The following MYO3B variants were observed in gnomAD, a reference collection of about 807,000 sequenced individuals.
The protein encoded by MYO3B is myosin-IIIb.
A neutral mutation model predicts 174.6 loss-of-function variants in MYO3B; 156 were observed. The observed-to-expected ratio is 0.89, with a 90% CI of 0.78 to 1.02. The LOEUF is 1.02. MYO3B is among the 50% of genes least tolerant of loss of function. The pLI, the probability that MYO3B is intolerant of heterozygous loss-of-function variation, is 0.00. For synonymous variants in MYO3B, 563 were observed against 569.1 expected, an observed-to-expected ratio of 0.99 and a Z score of 0.15; for missense variants, 1,632 against 1,639.4, an observed-to-expected ratio of 1.00 and a Z score of 0.08.
chr2:170,415,322 C>A (rs1338617500), intron 22 of MYO3B, among the ~76,000 whole-genome samples: 1 of 152,182 alleles, frequency 6.6e-6, no homozygotes, highest in South Asian at 2.1e-4. Context: ...TCTAAACCTA[C>A]CTTTTCTGGC....
intron 11 of MYO3B, 76 bp from the exon 12 acceptor site, chr2:170,383,634 C>T: frequency 9.0e-7 from 1 of 1,115,422 alleles, no homozygotes; most frequent in Non-Finnish European, 1.4e-6. Flanking sequence ...GTGACAGATT[C>T]TTGGTTTCAT....
intron 25 of MYO3B, among the ~76,000 whole-genome samples, chr2:170,488,047 C>G (rs1686181963): frequency 6.6e-6 from 1 of 152,144 alleles, no homozygotes; most frequent in African/African-American, 2.4e-5. Context: ...CAAATTAAAA[C>G]CACAATTCAA....
intron 32 of MYO3B, 85 bp downstream of exon 32, chr2:170,544,073 A>T (rs1310653543): frequency 2.8e-6 from 3 of 1,066,886 alleles, no homozygotes; most frequent in Non-Finnish European, 4.2e-6. Flanking sequence ...GCAGGACTCA[A>T]TTAGATAGTA....
intron 6 of MYO3B, among the ~76,000 whole-genome samples, chr2:170,232,277 T>C (rs1470578250): frequency 1.3e-5 from 2 of 152,188 alleles, no homozygotes; most frequent in Non-Finnish European, 2.9e-5. Context: ...CTTAAAGAAA[T>C]AGCTTCAGAC....
intron 21 of MYO3B, among the ~76,000 whole-genome samples, chr2:170,407,507 CA>C: frequency 6.6e-6 from 1 of 150,928 alleles, no homozygotes; most frequent in East Asian, 2.1e-4. Flanking sequence ...CCATAAAAAA[CA>C]AAAACCAAAG....
At chr2:170,417,465 C>A (rs1377101947) in intron 22 of MYO3B, among the ~76,000 whole-genome samples, 1 of 152,210 alleles carries the variant, frequency 6.6e-6, no homozygotes, top group African/African-American at 2.4e-5. Context: ...AAGGCCAAGT[C>A]TGGACTCCCA....
At chr2:170,263,137 A>C (rs1336591383) in intron 7 of MYO3B, among the ~76,000 whole-genome samples, 2 of 152,192 alleles carry the variant, frequency 1.3e-5, no homozygotes, top group Non-Finnish European at 2.9e-5. Flanking sequence ...TTAGCAGCTT[A>C]AATAACAATT....
intron 34 of MYO3B, among the ~76,000 whole-genome samples, 170 bp downstream of exon 34, chr2:170,652,324 T>A (rs2105510547): frequency 6.6e-6 from 1 of 152,322 alleles, no homozygotes; most frequent in African/African-American, 2.4e-5. Context: ...ATACAAAACT[T>A]GAATCTATTC....
chr2:170,518,036 G>A (rs2106135026), intron 29 of MYO3B, among the ~76,000 whole-genome samples: 1 of 151,120 alleles, frequency 6.6e-6, no homozygotes, highest in East Asian at 1.9e-4. Flanking sequence ...TTGTATTAAT[G>A]TCTCACTTAA....
At chr2:170,512,558 C>A (rs928242146) in intron 28 of MYO3B, among the ~76,000 whole-genome samples, 26 of 152,150 alleles carry the variant, frequency 1.7e-4, no homozygotes, top group African/African-American at 6.0e-4. Context: ...AGGAAACCTA[C>A]CAGGACAGTG....
At chr2:170,430,559 A>G (rs186799820) in intron 22 of MYO3B, among the ~76,000 whole-genome samples, 37 of 152,024 alleles carry the variant, frequency 2.4e-4, no homozygotes, top group African/African-American at 8.9e-4. Context: ...TTTAGTACAG[A>G]TGGGGTTTTA....
intron 16 of MYO3B, among the ~76,000 whole-genome samples, chr2:170,393,894 A>G (rs1437381631): frequency 6.6e-6 from 1 of 152,178 alleles, no homozygotes; most frequent in Non-Finnish European, 1.5e-5. Flanking sequence ...AGGTTCTAGC[A>G]TTGTTAAAGG....
At chr2:170,577,081 T>C (rs3933466) in intron 32 of MYO3B, among the ~76,000 whole-genome samples, 68,767 of 151,796 alleles carry the variant, frequency 0.45, 15,997 homozygotes, top group East Asian at 0.68. Flanking sequence ...CAAGTGGCAG[T>C]GTCAGCCTCT....
chr2:170,244,966 T>C (rs909545116), intron 7 of MYO3B, among the ~76,000 whole-genome samples: 17 of 152,164 alleles, frequency 1.1e-4, no homozygotes, highest in African/African-American at 4.1e-4. Flanking sequence ...CACTGGATAA[T>C]TGTGTCAATA....
At chr2:170,450,912 C>T (rs1209091938) in intron 23 of MYO3B, among the ~76,000 whole-genome samples, 2 of 152,128 alleles carry the variant, frequency 1.3e-5, no homozygotes, top group Non-Finnish European at 2.9e-5. Context: ...AAATACTAAA[C>T]AATTCCCTTC....
At chr2:170,531,600 G>C (rs780480395) in intron 30 of MYO3B, among the ~76,000 whole-genome samples, 1 of 152,150 alleles carries the variant, frequency 6.6e-6, no homozygotes, top group Non-Finnish European at 1.5e-5. Flanking sequence ...TAGAGGAGTT[G>C]TTGTTATCTC....
At chr2:170,449,611 C>G (rs1237407189) in intron 23 of MYO3B, among the ~76,000 whole-genome samples, 1 of 152,034 alleles carries the variant, frequency 6.6e-6, no homozygotes, top group African/African-American at 2.4e-5. Flanking sequence ...AACTCCATCT[C>G]TACTAAAAAT....
intron 8 of MYO3B, chr2:170,346,357 G>A (rs556598123): frequency 1.3e-4 from 20 of 152,170 alleles, no homozygotes; most frequent in African/African-American, 4.6e-4. Context: ...ATGTGTGGTC[G>A]AAGACAATTC....
chr2:170,600,854 C>T (rs1694463617), intron 32 of MYO3B, among the ~76,000 whole-genome samples: 1 of 152,178 alleles, frequency 6.6e-6, no homozygotes, highest in Admixed American at 6.5e-5. Flanking sequence ...TAAGGACAGA[C>T]TTTGAAAATG....
Sources: gnomAD v4.1 joint callset for allele counts (sites outside exome capture counted in the v4.1 genomes callset) on GRCh38, gnomAD v4.1.1 for gene constraint, MANE v1.5 for transcripts, NCBI Gene and HGNC (gene_info 2026-07-23, HGNC 2026-07-21) for gene names.